The following CD9 variants were observed in gnomAD, a reference collection of about 807,000 sequenced individuals.
The protein encoded by CD9 is CD9 antigen.
CD9 carries 10 observed loss-of-function variants against 31.4 expected under a neutral mutation model. That is an observed-to-expected ratio of 0.32 (90% CI 0.20 to 0.54). CD9 has a LOEUF of 0.54. CD9 is among the 20% of genes least tolerant of loss of function. The probability of loss-of-function intolerance (pLI) is 0.94; values close to 1 mark genes in which losing one functional copy is unlikely to be tolerated. For synonymous variants in CD9, 113 were observed against 114.1 expected, an observed-to-expected ratio of 0.99 and a Z score of 0.06; for missense variants, 259 against 300.1, an observed-to-expected ratio of 0.86 and a Z score of 1.01.
At chr12:6,204,916 A>G (rs999666232) in intron 1 of CD9, among the ~76,000 whole-genome samples, 8 of 152,192 alleles carry the variant, frequency 5.3e-5, no homozygotes, top group African/African-American at 1.9e-4. Context: ...CTGTGCATCA[A>G]AACCCTGACT....
intron 1 of CD9, among the ~76,000 whole-genome samples, chr12:6,203,946 C>T (rs1216204701): frequency 1.3e-5 from 2 of 152,174 alleles, no homozygotes; most frequent in African/African-American, 4.8e-5. Flanking sequence ...TACTGTCTCT[C>T]ATGCCTCGCT....
intron 1 of CD9, among the ~76,000 whole-genome samples, chr12:6,214,886 G>A (rs985289954): frequency 7.9e-5 from 12 of 152,146 alleles, no homozygotes; most frequent in African/African-American, 2.9e-4. Context: ...GGTGGTGGAT[G>A]TGCATTTGGG....
At chr12:6,225,151 C>T in intron 1 of CD9, 1 of 409,646 alleles carries the variant, frequency 2.4e-6, no homozygotes, top group Non-Finnish European at 4.4e-6. Flanking sequence ...TAGAGTTACT[C>T]GTTTTCACTG....
At chr12:6,229,940 A>G (rs1946422402) in intron 2 of CD9, among the ~76,000 whole-genome samples, 1 of 152,044 alleles carries the variant, frequency 6.6e-6, no homozygotes, top group Non-Finnish European at 1.5e-5. Context: ...TTTTTCCATG[A>G]GTCAGACAGC....
At position 6,232,804 on chromosome 12, in the gene CD9, C is replaced by T. The variant is rs1039702142; in HGVS notation, c.273+75C>T. The T allele has an allele frequency of 3.1e-6, 3 of 966,808 alleles. No individual in the cohort carries two copies. The East Asian group carries it at 7.8e-5, about 25-fold the overall frequency. 59.9% of individuals were successfully genotyped at this position (966,808 alleles called of 1,614,324 possible). A position where few individuals can be genotyped will look rare whatever the true frequency, so the allele number is the denominator to read the frequency against. On this transcript the variant is annotated intron_variant, in intron 3 of 7. Transcript: ENST00000009180. The surrounding 1 kb of genome is among the most constrained non-coding windows in gnomAD (Gnocchi z 4.8). ...AAACCTCAGCAGGCCCAGACCCAGACCACAGAACAGATGGAGGGGGATGGG... is the reference window on the plus strand; with the variant it reads ...AAACCTCAGCAGGCCCAGACCCAGATCACAGAACAGATGGAGGGGGATGGG...
At chr12:6,215,425 G>A (rs1030825993) in intron 1 of CD9, among the ~76,000 whole-genome samples, 19 of 152,176 alleles carry the variant, frequency 1.2e-4, no homozygotes, top group African/African-American at 4.1e-4. Flanking sequence ...ACAGAGTGCC[G>A]GCCCAGTCCC....
chr12:6,224,227 C>T (rs1946332589), intron 1 of CD9, among the ~76,000 whole-genome samples: 1 of 152,184 alleles, frequency 6.6e-6, no homozygotes, highest in Non-Finnish European at 1.5e-5. Flanking sequence ...ACCTAAAAGG[C>T]AGGGAAGGGC....
rs554896982 is a variant in CD9, at chr12:6,238,116, T to C, written c.*288T>C. On this transcript the variant is annotated 3_prime_UTR_variant, in exon 8 of 8. Transcript: ENST00000009180. ...TAAGCAGAAATCCTGCAATGAAAGG[T>C]ACTATATTTGCTAGACTCTAGACAA... 1 of 311,578 alleles carries C rather than the reference T, an allele frequency of 3.2e-6. No homozygotes were observed. The highest frequency in any genetic ancestry group is 6.2e-6 in the Non-Finnish European group (1 of 162,544). The allele number at this position is 311,578 out of a possible 1,614,324, so 19.3% of individuals were successfully genotyped here.
intron 2 of CD9, among the ~76,000 whole-genome samples, chr12:6,227,804 G>A (rs1240469267): frequency 2.6e-5 from 4 of 152,218 alleles, no homozygotes; most frequent in Admixed American, 2.6e-4. Flanking sequence ...TGGCAGGGAT[G>A]GGGTGGCGCT....
intron 1 of CD9, chr12:6,224,879 C>T (rs1430771521): frequency 1.3e-5 from 2 of 152,624 alleles, no homozygotes; most frequent in African/African-American, 2.4e-5. Flanking sequence ...GTAACCATCA[C>T]CCAAGTCAAC....
At chr12:6,216,672 A>G (rs1946245848) in intron 1 of CD9, among the ~76,000 whole-genome samples, 1 of 152,116 alleles carries the variant, frequency 6.6e-6, no homozygotes, top group South Asian at 2.1e-4. Flanking sequence ...GGAGCTCTGG[A>G]TGGCAGTTTG....
intron 2 of CD9, chr12:6,225,876 G>A: frequency 4.4e-6 from 1 of 229,528 alleles, no homozygotes; most frequent in East Asian, 1.1e-4. Context: ...TTCTTATCCT[G>A]CATCATTTCC....
chr12:6,204,194 T>C (rs1946104916), intron 1 of CD9, among the ~76,000 whole-genome samples: 1 of 152,074 alleles, frequency 6.6e-6, no homozygotes, highest in South Asian at 2.1e-4. Flanking sequence ...TCTCAAAAGG[T>C]CCTTTCAAGC....
intron 1 of CD9, among the ~76,000 whole-genome samples, chr12:6,211,158 C>T (rs1160863762): frequency 6.6e-6 from 1 of 152,076 alleles, no homozygotes; most frequent in Admixed American, 6.6e-5. Flanking sequence ...CTTTTGTGCC[C>T]CAGTTTTTTC....
At chr12:6,236,490 C>T (rs866455393) in intron 7 of CD9, 1 of 580,412 alleles carries the variant, frequency 1.7e-6, no homozygotes, top group Non-Finnish European at 3.1e-6. Context: ...TCTGAGGCTC[C>T]CCCTGGGCTT....
At chr12:6,235,031 T>G (rs1946496858) in intron 4 of CD9, among the ~76,000 whole-genome samples, 198 bp from the exon 5 acceptor site, 1 of 152,132 alleles carries the variant, frequency 6.6e-6, no homozygotes, top group African/African-American at 2.4e-5. Context: ...TTCTGGAGGA[T>G]GTGGGAGGAG....
rs1364109369 is a variant in CD9, at chr12:6,227,554, G to A, written c.175+2020G>A. Among the ~76,000 whole-genome samples the A allele has an allele frequency of 2.6e-5, 4 of 152,176 alleles. No individual in the cohort carries two copies. The South Asian group carries it at 6.2e-4, about 24-fold the overall frequency. On this transcript the variant is annotated intron_variant, in intron 2 of 7. Coordinates refer to ENST00000009180, the MANE Select transcript of CD9 (RefSeq NM_001769.4). ...TTGTGTGTCATTCATTGTCTTGTGT[G>A]TATTATATAATTTAATCCCCTTAGC...
intron 1 of CD9, among the ~76,000 whole-genome samples, chr12:6,205,625 T>G (rs1348229081): frequency 1.3e-5 from 2 of 152,264 alleles, no homozygotes; most frequent in Non-Finnish European, 2.9e-5. Context: ...TTTGTTTGTT[T>G]GTTTGTTTTT....
intron 1 of CD9, among the ~76,000 whole-genome samples, chr12:6,220,996 G>A (rs991887466): frequency 1.3e-5 from 2 of 152,152 alleles, no homozygotes; most frequent in African/African-American, 4.8e-5. Context: ...GTCTTCTCTG[G>A]GCTGTGACAG....
Sources: gnomAD v4.1 joint callset for allele counts (sites outside exome capture counted in the v4.1 genomes callset) on GRCh38, gnomAD v4.1.1 for gene constraint, Gnocchi (gnomAD v3.1) non-coding constraint, MANE v1.5 for transcripts, NCBI Gene and HGNC (gene_info 2026-07-23, HGNC 2026-07-21) for gene names.